The following PRSS12 variants were observed in gnomAD, a reference collection of about 807,000 sequenced individuals.
The protein encoded by PRSS12 is serine protease 12, also known as neurotrypsin.
PRSS12 carries 85 observed loss-of-function variants against 104.4 expected under a neutral mutation model. The ratio of observed to expected loss-of-function variants is 0.81; its 90% CI spans 0.68 to 0.98. PRSS12 has a LOEUF of 0.98. Among genes scored for constraint, PRSS12 ranks in the 50% least tolerant of loss-of-function variants. The pLI is 0.00. For missense variants in PRSS12, 1,141 were observed against 1,139.2 expected (o/e 1.00, Z -0.02); for synonymous variants, 454 against 425.2 (o/e 1.07, Z -0.83).
rs759990882 is a variant in PRSS12, at chr4:118,352,556, C to A, written c.165G>T (p.Arg55Ser). Reference sequence around the variant, plus strand: ...GCGGGAGAGGCGGCGGCGGACGCGTCCTCGGGGGCCGCTGCTGGGTGGGAA... The same window carrying A: ...GCGGGAGAGGCGGCGGCGGACGCGTACTCGGGGGCCGCTGCTGGGTGGGAA... Reference protein sequence around the residue: ...YYLPTQQRPPRTRPPPPLPRF... With the variant: ...YYLPTQQRPPSTRPPPPLPRF... Residue 55 changes from arginine to serine, a missense_variant, in exon 1 of 13, where the codon AGG (arginine) becomes AGT (serine). By Grantham distance (110) the Arg-to-Ser change is moderately radical. Transcript: ENST00000296498. The A allele has an allele frequency of 6.5e-7, 1 of 1,530,912 alleles. No homozygotes were observed. The highest frequency in any genetic ancestry group is 1.2e-5 in the South Asian group (1 of 82,564). The allele number at this position is 1,530,912 out of a possible 1,614,324, so 94.8% of individuals were successfully genotyped here.
At position 118,280,327 on chromosome 4, in the gene PRSS12, G is replaced by T. The variant is rs1414264084; in HGVS notation, c.*1609C>A. 6.6e-6 allele frequency: 1 copy of T among 152,170 alleles called. No homozygotes were observed. The highest frequency in any genetic ancestry group is 2.4e-5 in the African/African-American group (1 of 41,456). The allele number at this position is 152,170 out of a possible 1,614,324, so 9.4% of individuals were successfully genotyped here. On this transcript the variant is annotated 3_prime_UTR_variant, in exon 13 of 13. Coordinates refer to ENST00000296498, the MANE Select transcript of PRSS12 (RefSeq NM_003619.4). ...ACGTTTTTCTGAAGCCCTTGTGCAA[G>T]TGTGTGTGCCATGTGTAGTTCTATT...
chr4:118,307,454 T>A (rs1404007798), intron 8 of PRSS12, among the ~76,000 whole-genome samples: 1 of 152,196 alleles, frequency 6.6e-6, no homozygotes, highest in East Asian at 1.9e-4. Context: ...AAGGATATAT[T>A]TTTAAATCCA....
intron 1 of PRSS12, 135 bp from the exon 2 acceptor site, chr4:118,338,449 T>C: frequency 9.0e-7 from 1 of 1,107,410 alleles, no homozygotes. Context: ...CTCCACTGTG[T>C]GTGGCATGTG....
At chr4:118,312,312 TA>T (rs1743757869) in intron 7 of PRSS12, among the ~76,000 whole-genome samples, 2 of 152,008 alleles carry the variant, frequency 1.3e-5, no homozygotes. Flanking sequence ...AATCCAAGGT[TA>T]AAAGTAAAGA....
chr4:118,310,033 C>A (rs557641502), intron 7 of PRSS12, among the ~76,000 whole-genome samples: 1 of 152,082 alleles, frequency 6.6e-6, no homozygotes, highest in East Asian at 1.9e-4. Flanking sequence ...ATGTTTATGG[C>A]GTGCCAACTC....
intron 5 of PRSS12, among the ~76,000 whole-genome samples, chr4:118,317,679 A>G (rs1723483134): frequency 6.6e-6 from 1 of 152,230 alleles, no homozygotes; most frequent in Non-Finnish European, 1.5e-5. Flanking sequence ...TGTGAAGAGA[A>G]TGATATAAAT....
chr4:118,308,809 G>A, intron 7 of PRSS12, among the ~76,000 whole-genome samples: 1 of 152,140 alleles, frequency 6.6e-6, no homozygotes, highest in African/African-American at 2.4e-5. Flanking sequence ...CCCAGACTGT[G>A]GAACAGTGCC....
chr4:118,328,449 T>G (rs1199700747), intron 4 of PRSS12, among the ~76,000 whole-genome samples: 3 of 152,218 alleles, frequency 2.0e-5, no homozygotes, highest in Admixed American at 6.5e-5. Context: ...AACATTAATA[T>G]GGCCTTCCTT....
chr4:118,332,603 A>G (rs1215451525), intron 3 of PRSS12, among the ~76,000 whole-genome samples: 4 of 152,126 alleles, frequency 2.6e-5, no homozygotes, highest in Non-Finnish European at 5.9e-5. Context: ...ATTTACTTTT[A>G]TCTAAAATTG....
At chr4:118,350,022 A>AAT (rs1724453395) in intron 1 of PRSS12, among the ~76,000 whole-genome samples, 2 of 152,274 alleles carry the variant, frequency 1.3e-5, no homozygotes, top group South Asian at 4.2e-4. Flanking sequence ...TAAATAAATA[A>AAT]AAATAAAAGA....
At chr4:118,327,520 A>G (rs1465840758) in intron 4 of PRSS12, among the ~76,000 whole-genome samples, 2 of 152,198 alleles carry the variant, frequency 1.3e-5, no homozygotes, top group African/African-American at 2.4e-5. Context: ...ATATGGTTCT[A>G]TATAATTTTA....
chr4:118,299,760 AAAATT>A (rs200574656), intron 8 of PRSS12, among the ~76,000 whole-genome samples: 1,544 of 47,548 alleles, frequency 0.032, 50 homozygotes, highest in East Asian at 0.06. Context: ...TAAAATAAAT[AAAATT>A]AAATAAAATA....
At chr4:118,306,377 A>G (rs77695000) in intron 8 of PRSS12, among the ~76,000 whole-genome samples, 2,575 of 152,310 alleles carry the variant, frequency 0.017, 60 homozygotes, top group East Asian at 0.084. Flanking sequence ...TAATTGATAA[A>G]GAAAAGAGGT....
intron 2 of PRSS12, among the ~76,000 whole-genome samples, chr4:118,336,987 C>T (rs1238971716): frequency 1.3e-5 from 2 of 152,174 alleles, no homozygotes; most frequent in Admixed American, 6.6e-5. Context: ...CTTACTCCTT[C>T]GTTCATCCTG....
intron 8 of PRSS12, chr4:118,305,873 C>T (rs751208635): frequency 2.0e-5 from 3 of 151,998 alleles, no homozygotes; most frequent in Non-Finnish European, 2.9e-5. Flanking sequence ...TGACTATTTT[C>T]GATATCTCAT....
At chr4:118,305,120 T>C (rs788648) in intron 8 of PRSS12, among the ~76,000 whole-genome samples, 87,330 of 141,032 alleles carry the variant, frequency 0.62, 27,851 homozygotes, top group Admixed American at 0.75. Flanking sequence ...TATATATATA[T>C]ACACACACAC....
In PRSS12 at chr4:118,352,560, G is replaced by C. The variant is rs753124685; in HGVS notation, c.161C>G (p.Pro54Arg). 4 of 1,539,876 alleles carry C rather than the reference G, an allele frequency of 2.6e-6. No individual in the cohort carries two copies. The highest frequency in any genetic ancestry group is 2.8e-5 in the African/African-American group (2 of 71,352). The change falls in exon 1 of 13, where the codon CCG becomes CGG. Residue 54 changes from proline to arginine, a missense_variant. Physicochemically the swap from Pro to Arg is moderately radical, Grantham distance 103. Transcript: ENST00000296498. ...GAGAGGCGGCGGCGGACGCGTCCTC[G>C]GGGGCCGCTGCTGGGTGGGAAGGTA... Reference protein sequence around the residue: ...PYYLPTQQRPPRTRPPPPLPR... With the variant: ...PYYLPTQQRPRRTRPPPPLPR...
At chr4:118,308,900 T>C (rs757403152) in intron 7 of PRSS12, among the ~76,000 whole-genome samples, 8 of 152,144 alleles carry the variant, frequency 5.3e-5, no homozygotes, top group Non-Finnish European at 1.2e-4. Flanking sequence ...TATTACACCT[T>C]ACTTCTAAAT....
At chr4:118,327,107 T>A (rs1578929043) in intron 4 of PRSS12, among the ~76,000 whole-genome samples, 1 of 152,216 alleles carries the variant, frequency 6.6e-6, no homozygotes, top group South Asian at 2.1e-4. Flanking sequence ...GCTTGGTTTA[T>A]ACAATGTTTT....
Sources: gnomAD v4.1 joint callset for allele counts (sites outside exome capture counted in the v4.1 genomes callset) on GRCh38, gnomAD v4.1.1 for gene constraint, MANE v1.5 for transcripts, NCBI Gene and HGNC (gene_info 2026-07-23, HGNC 2026-07-21) for gene names.